The following SNTB1 variants were observed in gnomAD, a reference collection of about 807,000 sequenced individuals.
The protein encoded by SNTB1 is beta-1-syntrophin.
In SNTB1, 36 loss-of-function variants were observed where a neutral mutation model predicts 48.9. The ratio of observed to expected loss-of-function variants is 0.74; its 90% confidence interval spans 0.56 to 0.97. The LOEUF is 0.97. Ranked by LOEUF, SNTB1 falls within the 50% of genes least tolerant of loss-of-function variation. The pLI is 0.00. For missense variants in SNTB1, 786 were observed against 703.4 expected (o/e 1.12, Z -1.33); for synonymous variants, 299 against 294.6 (o/e 1.01, Z -0.15).
intron 2 of SNTB1, among the ~76,000 whole-genome samples, chr8:120,639,183 A>C (rs1185144018): frequency 6.6e-6 from 1 of 152,202 alleles, no homozygotes; most frequent in African/African-American, 2.4e-5. Context: ...GGCTGCATAA[A>C]TATCTTCTTT....
At chr8:120,623,684 G>A (rs1393469287) in intron 3 of SNTB1, among the ~76,000 whole-genome samples, 4 of 152,156 alleles carry the variant, frequency 2.6e-5, no homozygotes, top group African/African-American at 9.7e-5. Context: ...TCCTGTTTCA[G>A]GTAGGGAATA....
chr8:120,556,172 G>A lies in SNTB1; in HGVS notation c.1137-7214C>T, dbSNP rs1266749366. Among the ~76,000 whole-genome samples, 14 of 152,176 alleles carry A rather than the reference G, an allele frequency of 9.2e-5. No individual in the cohort carries two copies. The South Asian group carries it at 2.3e-3, about 25-fold the overall frequency. On this transcript the variant is annotated intron_variant, in intron 4 of 6. Coordinates refer to ENST00000517992, the MANE Select transcript of SNTB1 (RefSeq NM_021021.4). The stretch of plus-strand genomic sequence containing the variant: ...TACTGTCTCCCCTCCTAATTCCCAT[G>A]GCCTGTTTACTCCAAGTTAAGCTCC...
At chr8:120,549,923 T>G (rs900269560) in intron 4 of SNTB1, among the ~76,000 whole-genome samples, 1 of 152,218 alleles carries the variant, frequency 6.6e-6, no homozygotes, top group Non-Finnish European at 1.5e-5. Context: ...CACTTTACAA[T>G]TTACTAGAGA....
Position 120,543,665 on chromosome 8 carries a change from A to G in SNTB1, c.1334-1665T>C, listed in dbSNP as rs115724590. Among the ~76,000 whole-genome samples, 1,011 of 152,244 alleles carry G rather than the reference A, an allele frequency of 6.6e-3. 7 individuals carry two copies. Among genetic ancestry groups the G allele is most frequent in the African/African-American group, 0.01 (432 of 41,578 alleles). On this transcript the variant is annotated intron_variant, in intron 5 of 6. Coordinates refer to ENST00000517992, the MANE Select transcript of SNTB1 (RefSeq NM_021021.4). ...GCTTTCCTACCTCATGAATAATGAC[A>G]GTAGGCGGGGAGGCCTCCAAAGTTT... is the stretch of plus-strand genomic sequence containing the variant.
intron 1 of SNTB1, among the ~76,000 whole-genome samples, chr8:120,758,701 C>A (rs1819360062): frequency 6.6e-6 from 1 of 152,140 alleles, no homozygotes; most frequent in African/African-American, 2.4e-5. Flanking sequence ...TTTGGGGACA[C>A]AGCCAGAGAG....
intron 1 of SNTB1, among the ~76,000 whole-genome samples, chr8:120,770,762 G>A (rs1384846737): frequency 5.9e-5 from 9 of 152,150 alleles, no homozygotes; most frequent in Middle Eastern, 6.3e-3. Flanking sequence ...GCAGTGAGCC[G>A]AGATTGTGGC....
chr8:120,757,584 T>C (rs1411403564), intron 1 of SNTB1, among the ~76,000 whole-genome samples: 1 of 152,058 alleles, frequency 6.6e-6, no homozygotes, highest in Non-Finnish European at 1.5e-5. Context: ...GAAGCACGAG[T>C]ATTCAGTTTA....
chr8:120,788,298 G>T (rs1201052588), intron 1 of SNTB1, among the ~76,000 whole-genome samples: 1 of 152,044 alleles, frequency 6.6e-6, no homozygotes, highest in East Asian at 1.9e-4. Context: ...AATTAACAGG[G>T]CTTATAAAAC....
intron 3 of SNTB1, among the ~76,000 whole-genome samples, chr8:120,595,225 C>T (rs573947640): frequency 1.3e-5 from 2 of 152,136 alleles, no homozygotes; most frequent in Non-Finnish European, 2.9e-5. Context: ...GGCTGCATTC[C>T]CAGATGGTTA....
chr8:120,757,838 G>A (rs189181467), intron 1 of SNTB1, among the ~76,000 whole-genome samples: 1 of 152,266 alleles, frequency 6.6e-6, no homozygotes, highest in East Asian at 1.9e-4. Flanking sequence ...CATCCCAAAT[G>A]TTTTCTAATT....
intron 1 of SNTB1, among the ~76,000 whole-genome samples, chr8:120,724,511 A>G (rs1371471260): frequency 2.0e-5 from 3 of 152,178 alleles, no homozygotes; most frequent in African/African-American, 7.2e-5. Context: ...TTTAGGGAAC[A>G]TGGAGTGGGG....
At chr8:120,734,357 G>A (rs542361302) in intron 1 of SNTB1, among the ~76,000 whole-genome samples, 1 of 151,890 alleles carries the variant, frequency 6.6e-6, no homozygotes, top group African/African-American at 2.4e-5. Context: ...TGAGGCAGGA[G>A]GATTGCTTGA....
chr8:120,583,514 A>AACACACAC lies in SNTB1; in HGVS notation c.997-8297_997-8290dup, dbSNP rs10524445. The stretch of plus-strand genomic sequence containing the variant: ...GTGAAAGAGGGAAACTCCGTCTCAA[A>AACACACAC]ACACACACACACACACACACACACA... On this transcript the variant is annotated intron_variant, in intron 3 of 6. Transcript: ENST00000517992. Among the ~76,000 whole-genome samples the AACACACAC allele has an allele frequency of 4.7e-3, 678 of 143,134 alleles. 4 individuals carry two copies. The highest frequency in any genetic ancestry group is 0.016 in the African/African-American group (576 of 37,024). The allele number at this position is 143,134 out of a possible 152,430, so 93.9% of individuals were successfully genotyped here.
At chr8:120,626,983 G>A (rs1281691277) in intron 3 of SNTB1, among the ~76,000 whole-genome samples, 2 of 152,166 alleles carry the variant, frequency 1.3e-5, no homozygotes, top group Non-Finnish European at 2.9e-5. Flanking sequence ...TGGGACAACT[G>A]CCTCTTTCTA....
intron 1 of SNTB1, among the ~76,000 whole-genome samples, chr8:120,753,114 T>C (rs572845515): frequency 6.6e-6 from 1 of 151,504 alleles, no homozygotes; most frequent in Non-Finnish European, 1.5e-5. Flanking sequence ...TGGAGGAACA[T>C]CACAGTTGGG....
intron 1 of SNTB1, among the ~76,000 whole-genome samples, chr8:120,752,539 C>T (rs1819238086): frequency 6.6e-6 from 1 of 152,052 alleles, no homozygotes. Flanking sequence ...ATGAAATCAA[C>T]CTAGAAACTC....
intron 2 of SNTB1, among the ~76,000 whole-genome samples, chr8:120,648,929 G>A (rs1418692354): frequency 6.6e-5 from 10 of 150,506 alleles, no homozygotes; most frequent in Middle Eastern, 3.4e-3. Context: ...ATCTTCCATC[G>A]CTGATACCCT....
chr8:120,538,448 C>T lies in SNTB1; in HGVS notation c.*429G>A, dbSNP rs761765935. 6.1e-5 allele frequency: 14 copies of T among 230,534 alleles called. No individual in the cohort carries two copies. The highest frequency in any genetic ancestry group is 2.2e-4 in the Admixed American group (5 of 23,092). 14.3% of individuals were successfully genotyped at this position (230,534 alleles called of 1,614,324 possible). On this transcript the variant is annotated 3_prime_UTR_variant, in exon 7 of 7. Transcript: ENST00000517992. ...ACAATAAGAAAAGGGATCACTGTTACTGGGGATAGGGGGCTAGGAGGAGTA... is the reference window on the plus strand; with the variant it reads ...ACAATAAGAAAAGGGATCACTGTTATTGGGGATAGGGGGCTAGGAGGAGTA...
intron 3 of SNTB1, among the ~76,000 whole-genome samples, chr8:120,588,716 T>A (rs1816189821): frequency 6.6e-6 from 1 of 152,224 alleles, no homozygotes; most frequent in Non-Finnish European, 1.5e-5. Context: ...ACTTCTTCTC[T>A]GAGACTGTTA....
Sources: allele counts gnomAD v4.1 joint callset (sites outside exome capture counted in the v4.1 genomes callset), GRCh38; gene constraint gnomAD v4.1.1; transcripts MANE v1.5; gene names NCBI Gene and HGNC (gene_info 2026-07-23, HGNC 2026-07-21).